The following THAP4 variants were observed in gnomAD, a reference collection of about 807,000 sequenced individuals.
The protein encoded by THAP4 is THAP domain containing 4.
A neutral mutation model predicts 48.1 loss-of-function variants in THAP4; 18 were observed. The ratio of observed to expected loss-of-function variants is 0.37; its 90% CI spans 0.26 to 0.56. THAP4 has a LOEUF of 0.56. Ranked by LOEUF, THAP4 falls within the 20% of genes least tolerant of loss-of-function variation. The pLI is 0.78. For synonymous variants in THAP4, 345 were observed against 324.9 expected, an observed-to-expected ratio of 1.06 and a Z score of -0.66; for missense variants, 656 against 774.9, an observed-to-expected ratio of 0.85 and a Z score of 1.82.
chr2:241,596,914 A>C (rs939931521), intron 5 of THAP4, among the ~76,000 whole-genome samples: 1 of 152,224 alleles, frequency 6.6e-6, no homozygotes, highest in African/African-American at 2.4e-5. Flanking sequence ...GTGATGGGTG[A>C]ATGTGAAGGT....
At position 241,636,923 on chromosome 2, in the gene THAP4, G is replaced by T; in HGVS notation, c.77+18C>A. 1.6e-6 allele frequency: 2 copies of T among 1,226,504 alleles called. No homozygotes were observed. Among genetic ancestry groups the T allele is most frequent in the Non-Finnish European group, 1.0e-6 (1 of 958,964 alleles). 76.0% of individuals were successfully genotyped at this position (1,226,504 alleles called of 1,614,324 possible). A position where few individuals can be genotyped will look rare whatever the true frequency, so the allele number is the denominator to read the frequency against. On this transcript the variant is annotated intron_variant, in intron 1 of 5. Transcript: ENST00000407315. ...GGCCGGGTCGGGGCGGGGGCGTGGC[G>T]GCCCGGGGCCCGCGTACCTGTGGAA...
At chr2:241,588,045 G>A (rs1283367736) in intron 5 of THAP4, among the ~76,000 whole-genome samples, 2 of 142,234 alleles carry the variant, frequency 1.4e-5, no homozygotes, top group Non-Finnish European at 3.1e-5. Context: ...GGGAGGGAGG[G>A]AGGGAGGGAA....
At position 241,633,707 on chromosome 2, in the gene THAP4, T is replaced by G. The variant is rs1249183283; in HGVS notation, c.450A>C (p.Gln150His). The G allele has an allele frequency of 2.5e-6, 4 of 1,611,698 alleles. No homozygotes were observed. Among genetic ancestry groups the G allele is most frequent in the Non-Finnish European group, 3.4e-6 (4 of 1,179,472 alleles). The change falls in exon 2 of 6, where the codon CAA (glutamine) becomes CAC (histidine). Residue 150 changes from glutamine (Q) to histidine (H), a missense_variant. Coordinates refer to ENST00000407315, the MANE Select transcript of THAP4 (RefSeq NM_015963.6). This position sits in a 1 kb window ranked among gnomAD's most constrained non-coding sequence, Gnocchi z 7.5. ...ESRRLKQAAL[Q>H]GEATPRAAQE... ...GGGCCGCCCTGGGTGTGGCTTCACC[T>G]TGCAGAGCAGCTTGCTTCAACCTGC...
chr2:241,604,413 G>A (rs920606111), intron 3 of THAP4, among the ~76,000 whole-genome samples: 2 of 152,044 alleles, frequency 1.3e-5, no homozygotes, highest in Non-Finnish European at 1.5e-5. Flanking sequence ...CACCATGCCC[G>A]GCTAATTTTG....
intron 3 of THAP4, among the ~76,000 whole-genome samples, chr2:241,604,693 A>G: frequency 6.6e-6 from 1 of 152,160 alleles, no homozygotes; most frequent in Non-Finnish European, 1.5e-5. Context: ...TACAGGCGTC[A>G]GCCACCGCAC....
At chr2:241,630,376 C>CA (rs11444598) in intron 2 of THAP4, among the ~76,000 whole-genome samples, 22,731 of 152,060 alleles carry the variant, frequency 0.15, 1,856 homozygotes, top group Middle Eastern at 0.27. Flanking sequence ...AAGGATTAAC[C>CA]AGCATAAACA....
intron 3 of THAP4, among the ~76,000 whole-genome samples, chr2:241,603,738 T>TA (rs1035349022): frequency 6.6e-6 from 1 of 152,216 alleles, no homozygotes; most frequent in Non-Finnish European, 1.5e-5. Flanking sequence ...ATTCCTACGG[T>TA]AAAAAACAGA....
chr2:241,585,912 C>CAAAAAAAAAAAAAAAAAAAAAAAAAAA (rs1175852721), intron 5 of THAP4, among the ~76,000 whole-genome samples: 11 of 28,264 alleles, frequency 3.9e-4, no homozygotes, highest in South Asian at 1.8e-3. Context: ...GACTCCTTCT[C>CAAAAAAAAAAAAAAAAAAAAAAAAAAA]AAAAAAAAAA....
At chr2:241,609,978 G>T (rs942527653) in intron 2 of THAP4, among the ~76,000 whole-genome samples, 1 of 152,172 alleles carries the variant, frequency 6.6e-6, no homozygotes, top group Non-Finnish European at 1.5e-5. Context: ...GGGCGCTGGG[G>T]AGCAGCGATC....
chr2:241,628,383 G>A (rs1020886185), intron 2 of THAP4, among the ~76,000 whole-genome samples: 2 of 151,504 alleles, frequency 1.3e-5, no homozygotes, highest in African/African-American at 4.9e-5. Context: ...CAGACTGCCT[G>A]TTCAAACTCT....
chr2:241,610,713 G>A lies in THAP4; in HGVS notation c.1241-4240C>T, dbSNP rs1047305030. Among the ~76,000 whole-genome samples, 1 of 152,080 alleles carries A rather than the reference G, an allele frequency of 6.6e-6. No homozygotes were observed. The highest frequency in any genetic ancestry group is 2.4e-5 in the African/African-American group (1 of 41,416). Reference sequence around the variant, plus strand: ...CACCACCCACCGTGGAGTCCTCTCCGGGAGGCCCTGTCCTCCATCCAGCGC... The same window carrying A: ...CACCACCCACCGTGGAGTCCTCTCCAGGAGGCCCTGTCCTCCATCCAGCGC... On this transcript the variant is annotated intron_variant, in intron 2 of 5. Transcript: ENST00000407315. The surrounding 1 kb of genome is among the most constrained non-coding windows in gnomAD (Gnocchi z 4.2).
intron 5 of THAP4, among the ~76,000 whole-genome samples, chr2:241,593,703 T>C (rs1016995757): frequency 6.6e-6 from 1 of 152,198 alleles, no homozygotes; most frequent in African/African-American, 2.4e-5. Flanking sequence ...TGTATTTATT[T>C]TGAGACAGGG....
At chr2:241,590,876 C>T (rs1280291219) in intron 5 of THAP4, among the ~76,000 whole-genome samples, 8 of 141,746 alleles carry the variant, frequency 5.6e-5, no homozygotes, top group African/African-American at 1.5e-4. Context: ...CAGAACTGCC[C>T]GGCTGACGAT....
intron 2 of THAP4, among the ~76,000 whole-genome samples, chr2:241,631,484 T>C (rs2067560455): frequency 6.6e-6 from 1 of 152,232 alleles, no homozygotes. Context: ...ATTTTGTTTT[T>C]TGAGACAGGG....
Position 241,616,341 on chromosome 2 carries a change from G to A in THAP4, c.1241-9868C>T, listed in dbSNP as rs958719227. 6.6e-6 allele frequency among the ~76,000 whole-genome samples: 1 copy of A among 152,218 alleles called. No homozygotes were observed. Among genetic ancestry groups the A allele is most frequent in the Admixed American group, 6.5e-5 (1 of 15,278 alleles). On this transcript the variant is annotated intron_variant, in intron 2 of 5. Transcript: ENST00000407315. This position sits in a 1 kb window ranked among gnomAD's most constrained non-coding sequence, Gnocchi z 4.6. ...CGTGACATCAGTGAGAAGGGCGGGTGCAGGCGCACGAGAGCTGAGGGCGAG... is the reference window on the plus strand; with the variant it reads ...CGTGACATCAGTGAGAAGGGCGGGTACAGGCGCACGAGAGCTGAGGGCGAG...
intron 5 of THAP4, among the ~76,000 whole-genome samples, chr2:241,596,121 C>T (rs529682326): frequency 6.6e-6 from 1 of 152,210 alleles, no homozygotes; most frequent in South Asian, 2.1e-4. Flanking sequence ...GTGAACCTGG[C>T]TGGGGGTGGT....
intron 5 of THAP4, among the ~76,000 whole-genome samples, chr2:241,592,611 C>A (rs944982713): frequency 6.6e-6 from 1 of 152,234 alleles, no homozygotes; most frequent in Non-Finnish European, 1.5e-5. Flanking sequence ...GACACTCACA[C>A]GTCCCATCCC....
Position 241,637,011 on chromosome 2 carries a change from T to C in THAP4, c.7A>G (p.Ile3Val). 7.8e-7 allele frequency: 1 copy of C among 1,290,018 alleles called. No homozygotes were observed. The allele number at this position is 1,290,018 out of a possible 1,614,324, so 79.9% of individuals were successfully genotyped here. A position where few individuals can be genotyped will look rare whatever the true frequency, so the allele number is the denominator to read the frequency against. Residue 3 changes from isoleucine to valine, a missense_variant, in exon 1 of 6, where the codon ATC (isoleucine) becomes GTC (valine). Ile to Val is a conservative substitution (Grantham distance 29). Transcript: ENST00000407315. ...GAGCAGTTCACGGCCGCACAGCAGA[T>C]CACCATCGCGGGCCTTGGCCCAGCC... MVICCAAVNCSNR... is the reference protein window; with the variant it reads MVVCCAAVNCSNR...
chr2:241,615,735 C>T (rs990596840), intron 2 of THAP4, among the ~76,000 whole-genome samples: 1 of 152,244 alleles, frequency 6.6e-6, no homozygotes, highest in Non-Finnish European at 1.5e-5. Context: ...GCGCCCTGCC[C>T]GGTGCCTCTC....
Sources: gnomAD v4.1 joint callset for allele counts (sites outside exome capture counted in the v4.1 genomes callset) on GRCh38, gnomAD v4.1.1 for gene constraint, Gnocchi (gnomAD v3.1) non-coding constraint, MANE v1.5 for transcripts, NCBI Gene and HGNC (gene_info 2026-07-23, HGNC 2026-07-21) for gene names.